KLKB1: variants seen among roughly 807,000 people sequenced by gnomAD.
KLKB1 encodes kallikrein B1, also known as plasma kallikrein.
A neutral mutation model predicts 73.6 loss-of-function variants in KLKB1; 58 were observed. The observed-to-expected ratio is 0.79, with a 90% CI of 0.64 to 0.98. The LOEUF is 0.98. Ranked by LOEUF, KLKB1 falls within the 50% of genes least tolerant of loss-of-function variation. The pLI is 0.00. For missense variants in KLKB1, 737 were observed against 763.8 expected, an observed-to-expected ratio of 0.96 and a Z score of 0.41; for synonymous variants, 280 against 258.1, an observed-to-expected ratio of 1.08 and a Z score of -0.81.
intron 2 of KLKB1, among the ~76,000 whole-genome samples, chr4:186,215,394 T>G (rs1269647587): frequency 9.7e-6 from 1 of 103,298 alleles, no homozygotes; most frequent in Non-Finnish European, 2.2e-5. Flanking sequence ...CCTTGCTTTC[T>G]TCTTTCTTTC....
chr4:186,251,307 AC>A lies in KLKB1; in HGVS notation c.849del (p.Cys284AlafsTer24). On this transcript the variant is annotated frameshift_variant, in exon 8 of 15. Transcript: ENST00000264690. LOFTEE classifies it high-confidence loss of function. ...CACCATATCTGGATATAGCCTTTTAACCTGCAAAAGAACTTTACCTGGTAAT... is the reference window on the plus strand; with the variant it reads ...CACCATATCTGGATATAGCCTTTTAACTGCAAAAGAACTTTACCTGGTAAT... ...ENTISGYSLL[T>X]CKRTLPEPCH... The A allele has an allele frequency of 6.2e-7, 1 of 1,608,350 alleles. No homozygotes were observed. The highest frequency in any genetic ancestry group is 8.5e-7 in the Non-Finnish European group (1 of 1,174,816).
In KLKB1 at chr4:186,212,644, G is replaced by A. The variant is rs1736762996; in HGVS notation, c.201+3372G>A. On this transcript the variant is annotated intron_variant, in intron 2 of 14. Coordinates refer to the KLKB1 transcript ENST00000511608. ...GGTCAATGGCTTTTGGAACTGGAAG[G>A]ACCTTAGAACTTATCTGTTATGCTC... 1.3e-5 allele frequency: 2 copies of A among 152,224 alleles called. 1 individual carries two copies. Among genetic ancestry groups the A allele is most frequent in the Admixed American group, 1.3e-4 (2 of 15,280 alleles). The allele number at this position is 152,224 out of a possible 1,614,324, so 9.4% of individuals were successfully genotyped here.
intron 11 of KLKB1, among the ~76,000 whole-genome samples, chr4:186,252,515 C>T (rs1409345838): frequency 1.3e-5 from 2 of 151,626 alleles, no homozygotes; most frequent in African/African-American, 4.8e-5. Context: ...CCAATCTCAC[C>T]ACCAATCCCA....
In KLKB1 at chr4:186,233,993, C is replaced by T. The variant is rs757049984; in HGVS notation, c.263C>T (p.Pro88Leu). ...AAAGATAGTGTTACAGGAACCCTGCCAAAAGTACATCGAACAGGTGCAGTT... is the reference window on the plus strand; with the variant it reads ...AAAGATAGTGTTACAGGAACCCTGCTAAAAGTACATCGAACAGGTGCAGTT... ...FLKDSVTGTL[P>L]KVHRTGAVSG... Residue 88 changes from proline to leucine, a missense_variant, in exon 4 of 15, where the codon CCA becomes CTA. Coordinates refer to ENST00000264690, the MANE Select transcript of KLKB1 (RefSeq NM_000892.5). 3.1e-6 allele frequency: 5 copies of T among 1,614,026 alleles called. No homozygotes were observed. In the South Asian group the frequency reaches 4.4e-5, roughly 14 times the overall value.
At chr4:186,250,434 G>T (rs1338626310) in intron 7 of KLKB1, 32 bp downstream of exon 7, 2 of 1,609,774 alleles carry the variant, frequency 1.2e-6, no homozygotes, top group East Asian at 4.5e-5. Flanking sequence ...CATCACAAAG[G>T]CGAGTATGCA....
Position 186,250,225 on chromosome 4 carries a change from C to T in KLKB1, c.599-18C>T. 6.2e-7 allele frequency: 1 copy of T among 1,612,956 alleles called. No individual in the cohort carries two copies. The highest frequency in any genetic ancestry group is 1.1e-5 in the South Asian group (1 of 91,050). ...CATGTCATTTCCTAAGGAACATCTT[C>T]TCTCTGTGAGTTCACAGGTTGCCAC... On this transcript the variant is annotated intron_variant, in intron 6 of 14. Coordinates refer to ENST00000264690, the MANE Select transcript of KLKB1 (RefSeq NM_000892.5).
intron 6 of KLKB1, among the ~76,000 whole-genome samples, chr4:186,241,064 A>T (rs1738019346): frequency 6.6e-6 from 1 of 152,156 alleles, no homozygotes; most frequent in Admixed American, 6.5e-5. Flanking sequence ...TTACAGACTG[A>T]TAAAAATATG....
At chr4:186,240,123 GTGATACTGTTATAGTTATAGGA>G (rs1737940282) in intron 6 of KLKB1, among the ~76,000 whole-genome samples, 1 of 121,440 alleles carries the variant, frequency 8.2e-6, no homozygotes, top group Non-Finnish European at 1.9e-5. Context: ...ATATAGGACA[GTGATACTGTTATAGTTATAGGA>G]CAGTGATATT....
At chr4:186,243,100 G>A (rs1738138681) in intron 6 of KLKB1, among the ~76,000 whole-genome samples, 1 of 152,172 alleles carries the variant, frequency 6.6e-6, no homozygotes, top group Non-Finnish European at 1.5e-5. Context: ...GGGTATGTGA[G>A]TAAAGTCAAT....
chr4:186,222,104 T>C (rs1239183367), upstream of KLKB1, among the ~76,000 whole-genome samples: 1 of 152,214 alleles, frequency 6.6e-6, no homozygotes, highest in Non-Finnish European at 1.5e-5. Context: ...GGTTATCATG[T>C]GAATGCAATC....
chr4:186,229,317 AAC>A (rs1737285536), intron 2 of KLKB1, among the ~76,000 whole-genome samples: 1 of 152,204 alleles, frequency 6.6e-6, no homozygotes. Flanking sequence ...CAAATTCAGA[AAC>A]AGTCATCGTT....
intron 14 of KLKB1, among the ~76,000 whole-genome samples, 159 bp downstream of exon 14, chr4:186,257,524 A>AAT (rs1183527600): frequency 6.6e-6 from 1 of 151,958 alleles, no homozygotes; most frequent in African/African-American, 2.4e-5. Flanking sequence ...GAATATACAT[A>AAT]ATATATATTT....
chr4:186,258,164 G>A lies in KLKB1; in HGVS notation c.1869G>A (p.Glu623=). 1.2e-6 allele frequency: 2 copies of A among 1,614,172 alleles called. No individual in the cohort carries two copies. Among genetic ancestry groups the A allele is most frequent in the Non-Finnish European group, 1.7e-6 (2 of 1,180,048 alleles). ...CTGAGTACATGGACTGGATTTTAGA[G>A]AAAACACAGAGCAGTGATGGAAAAG... ...KVAEYMDWIL[E]KTQSSDGKAQ... is the part of the protein sequence containing the mutation. The change falls in exon 15 of 15, where the codon GAG becomes GAA. Residue 623 remains glutamate, a synonymous_variant. Transcript: ENST00000264690.
chr4:186,218,248 T>A (rs1427684079), intron 2 of KLKB1, among the ~76,000 whole-genome samples: 1 of 152,218 alleles, frequency 6.6e-6, no homozygotes, highest in Non-Finnish European at 1.5e-5. Context: ...TATATGATTC[T>A]TTGGTAGGGT....
At chr4:186,245,816 G>GT (rs869308902) in intron 6 of KLKB1, among the ~76,000 whole-genome samples, 1 of 100,550 alleles carries the variant, frequency 9.9e-6, no homozygotes, top group African/African-American at 3.5e-5. Flanking sequence ...TTTTTTGTTT[G>GT]TTTTTTGGTT....
upstream of KLKB1, chr4:186,227,427 A>G (rs1469791539): frequency 1.3e-5 from 2 of 152,252 alleles, no homozygotes; most frequent in African/African-American, 4.8e-5. Context: ...ATGTTCATGG[A>G]ATATGTTGAC....
At chr4:186,238,155 C>G in intron 5 of KLKB1, 101 bp from the exon 6 acceptor site, 3 of 786,712 alleles carry the variant, frequency 3.8e-6, no homozygotes. Context: ...TTATCAGGGT[C>G]ATTGTTTTTC....
Position 186,250,397 on chromosome 4 carries a change from A to G in KLKB1, c.753A>G (p.Ser251=), listed in dbSNP as rs1160199583. The G allele has an allele frequency of 6.2e-7, 1 of 1,613,898 alleles. No homozygotes were observed. The highest frequency in any genetic ancestry group is 1.1e-5 in the South Asian group (1 of 91,074). The change falls in exon 7 of 15, where the codon TCA becomes TCG. Residue 251 remains serine, a synonymous_variant. Coordinates refer to ENST00000264690, the MANE Select transcript of KLKB1 (RefSeq NM_000892.5). The part of the protein sequence containing the change: ...TFYTNVWKIE[S]QRNVCLLKTS... ...ATACAAATGTATGGAAAATCGAGTC[A>G]CAAAGGCGAGTATGCATGGAAAATC...
rs773645784 is a variant in KLKB1 at position 186,234,046 on chromosome 4, C to G, written c.316C>G (p.His106Asp). The G allele has an allele frequency of 6.2e-7, 1 of 1,611,488 alleles. No individual in the cohort carries two copies. Among genetic ancestry groups the G allele is most frequent in the Non-Finnish European group, 8.5e-7 (1 of 1,177,674 alleles). ...TGGACATTCCTTGAAGCAATGTGGT[C>G]ATCAAATAAGTGGTAAGTTGTGAAT... ...VSGHSLKQCG[H>D]QISACHRDIY... is the part of the protein sequence containing the mutation. Residue 106 changes from histidine (H) to aspartate (D), a missense_variant, in exon 4 of 15, where the codon CAT (histidine) becomes GAT (aspartate). Physicochemically the swap from His to Asp is moderately conservative, Grantham distance 81 (BLOSUM62 -1). Coordinates refer to ENST00000264690, the MANE Select transcript of KLKB1 (RefSeq NM_000892.5).
Sources: allele counts gnomAD v4.1 joint callset (sites outside exome capture counted in the v4.1 genomes callset), GRCh38; gene constraint gnomAD v4.1.1; transcripts MANE v1.5; gene names NCBI Gene and HGNC (gene_info 2026-07-23, HGNC 2026-07-21).